The following NDRG2 variants were observed in gnomAD, a reference collection of about 807,000 sequenced individuals.
The protein encoded by NDRG2 is NDRG family member 2.
NDRG2 carries 34 observed loss-of-function variants against 58.2 expected under a neutral mutation model. The observed-to-expected ratio is 0.58, with a 90% CI of 0.44 to 0.78. The LOEUF is 0.78. Among genes scored for constraint, NDRG2 ranks in the 30% least tolerant of loss-of-function variants. The probability of loss-of-function intolerance (pLI) is 0.00; values close to 1 mark genes in which losing one functional copy is unlikely to be tolerated. For synonymous variants in NDRG2, 187 were observed against 175.9 expected, an observed-to-expected ratio of 1.06 and a Z score of -0.50; for missense variants, 434 against 471.2, an observed-to-expected ratio of 0.92 and a Z score of 0.73.
At chr14:21,057,914 T>G in intron 1 of NDRG2, 2 of 1,613,964 alleles carry the variant, frequency 1.2e-6, no homozygotes, top group Non-Finnish European at 1.7e-6. Context: ...CAGAGCAGGA[T>G]GCTGCCCCCT....
At chr14:21,045,841 G>T (rs1006744354) in intron 1 of NDRG2, among the ~76,000 whole-genome samples, 1 of 152,190 alleles carries the variant, frequency 6.6e-6, no homozygotes, top group African/African-American at 2.4e-5. Context: ...TAGCCTTGGG[G>T]AAGTATAACT....
intron 1 of NDRG2, among the ~76,000 whole-genome samples, chr14:21,056,101 G>C (rs1053935859): frequency 6.6e-6 from 1 of 152,074 alleles, no homozygotes; most frequent in Non-Finnish European, 1.5e-5. Flanking sequence ...CAGATACTAG[G>C]AGCCTCGGCA....
intron 1 of NDRG2, among the ~76,000 whole-genome samples, chr14:21,057,003 T>G (rs1159337472): frequency 6.6e-6 from 1 of 152,186 alleles, no homozygotes; most frequent in African/African-American, 2.4e-5. Flanking sequence ...TCATTTTTTC[T>G]AACTTCAGTG....
intron 1 of NDRG2, chr14:21,042,956 C>A: frequency 6.3e-7 from 1 of 1,577,658 alleles, no homozygotes; most frequent in Non-Finnish European, 8.6e-7. Flanking sequence ...GTCCCAGCGA[C>A]CCCTGCCCTC....
intron 1 of NDRG2, among the ~76,000 whole-genome samples, chr14:21,062,762 GGAGCCT>G (rs1354394592): frequency 8.5e-5 from 9 of 106,508 alleles, no homozygotes; most frequent in Admixed American, 3.7e-4. Flanking sequence ...TATTTGAGAT[GGAGCCT>G]CACTCTGTTG....
intron 1 of NDRG2, among the ~76,000 whole-genome samples, chr14:21,059,112 A>T (rs1381648883): frequency 6.6e-6 from 1 of 152,196 alleles, no homozygotes; most frequent in African/African-American, 2.4e-5. Context: ...GAGCCCTGGG[A>T]TGCCAGTCAG....
At chr14:21,063,221 T>A (rs1886065276) in intron 1 of NDRG2, among the ~76,000 whole-genome samples, 1 of 151,904 alleles carries the variant, frequency 6.6e-6, no homozygotes, top group African/African-American at 2.4e-5. Context: ...GGTGTGTATG[T>A]GTGTGTGTGT....
chr14:21,063,262 G>T (rs1886071808), intron 1 of NDRG2, among the ~76,000 whole-genome samples: 1 of 152,164 alleles, frequency 6.6e-6, no homozygotes, highest in South Asian at 2.1e-4. Flanking sequence ...ACACACACGT[G>T]TTCAGGGTGA....
intron 2 of NDRG2, 100 bp from the exon 3 acceptor site, chr14:21,023,005 C>T (rs778942461): frequency 2.8e-5 from 37 of 1,344,802 alleles, no homozygotes; most frequent in Non-Finnish European, 3.9e-5. Flanking sequence ...GACAGACCAA[C>T]AAATGACCAA....
rs1026159893 is a variant in NDRG2, at chr14:21,024,979, C to G, written c.-956G>C. ...GGATCAATCACACCGCCCGCCGGCC[C>G]GGCTGGCGCCTTCCAGGCCCTACGG... On this transcript the variant is annotated 5_prime_UTR_variant, in exon 1 of 16. Transcript: ENST00000556147. 1.1e-5 allele frequency: 11 copies of G among 985,522 alleles called. No homozygotes were observed. The highest frequency in any genetic ancestry group is 6.1e-5 in the Admixed American group (1 of 16,280). 61.0% of individuals were successfully genotyped at this position (985,522 alleles called of 1,614,324 possible). A position where few individuals can be genotyped will look rare whatever the true frequency, so the allele number is the denominator to read the frequency against.
chr14:21,051,129 T>C (rs941169341), intron 1 of NDRG2, among the ~76,000 whole-genome samples: 1 of 152,224 alleles, frequency 6.6e-6, no homozygotes, highest in Non-Finnish European at 1.5e-5. Context: ...CACATCTGTG[T>C]TCCACCTGGG....
At chr14:21,043,331 A>C in intron 1 of NDRG2, 2 of 1,614,182 alleles carry the variant, frequency 1.2e-6, no homozygotes, top group Non-Finnish European at 1.7e-6. Flanking sequence ...AGCTCACCTC[A>C]GGGAAGCATC....
At chr14:21,054,335 TACACACACACAC>T (rs3061929) in intron 1 of NDRG2, among the ~76,000 whole-genome samples, 2 of 149,912 alleles carry the variant, frequency 1.3e-5, no homozygotes, top group African/African-American at 2.5e-5. Context: ...AAAGAGATAA[TACACACACACAC>T]ACACACACAC....
rs776872016 is a variant in NDRG2, at chr14:21,033,761, T to C, written c.25-10440A>G. 3.5e-6 allele frequency: 4 copies of C among 1,127,852 alleles called. No homozygotes were observed. The African/African-American group carries it at 4.6e-5, about 13-fold the overall frequency. The allele number at this position is 1,127,852 out of a possible 1,614,324, so 69.9% of individuals were successfully genotyped here. On this transcript the variant is annotated intron_variant, in intron 1 of 14. Transcript: ENST00000403829. ...GGAAGTCTTGTTACAGGGATCAGAG[T>C]GTTGGAAATGGAGACAGCTGGCCTG...
At chr14:21,022,823 C>A in intron 3 of NDRG2, 41 bp downstream of exon 3, 2 of 1,599,576 alleles carry the variant, frequency 1.3e-6, no homozygotes, top group East Asian at 4.5e-5. Context: ...GGGAAGAGGA[C>A]AGCCCCTCCT....
chr14:21,019,033 A>G (rs956953665), intron 11 of NDRG2, 83 bp downstream of exon 11: 1 of 1,464,318 alleles, frequency 6.8e-7, no homozygotes, highest in African/African-American at 1.4e-5. Flanking sequence ...TTCCCTGGCA[A>G]AAGATTCTCC....
chr14:21,031,244 A>G (rs778716953), intron 1 of NDRG2: 4 of 1,530,916 alleles, frequency 2.6e-6, no homozygotes, highest in Non-Finnish European at 3.5e-6. Context: ...AACCCTGCCA[A>G]CTGTGTGACT....
intron 12 of NDRG2, 129 bp downstream of exon 12, chr14:21,018,634 C>G (rs998357049): frequency 6.4e-7 from 1 of 1,559,706 alleles, no homozygotes; most frequent in African/African-American, 1.4e-5. Flanking sequence ...TACCAGGAAT[C>G]AAATTCTTAG....
rs138902025 is a variant in NDRG2, at chr14:21,022,423, C to G, written c.192G>C (p.Ala64=). 4 of 1,613,928 alleles carry G rather than the reference C, an allele frequency of 2.5e-6. No homozygotes were observed. Among genetic ancestry groups the G allele is most frequent in the East Asian group, 4.5e-5 (2 of 44,864 alleles). ...VYGTPKPKRP[A]ILTYHDVGLN... The stretch of plus-strand genomic sequence containing the variant: ...GTCCCACATCGTGGTAGGTAAGGAT[C>G]GCTGGGCGTTTGGGTTTGGGGGTGC... The change falls in exon 4 of 16, where the codon GCG becomes GCC. Residue 64 remains alanine (A), a synonymous_variant. Transcript: ENST00000556147.
Sources: gnomAD v4.1 joint callset for allele counts (sites outside exome capture counted in the v4.1 genomes callset) on GRCh38, gnomAD v4.1.1 for gene constraint, MANE v1.5 for transcripts, NCBI Gene and HGNC (gene_info 2026-07-23, HGNC 2026-07-21) for gene names.